The following TTC39A variants were observed in gnomAD, a reference collection of about 807,000 sequenced individuals.
TTC39A encodes tetratricopeptide repeat protein 39A.
TTC39A carries 46 observed loss-of-function variants against 82.3 expected under a neutral mutation model. The observed-to-expected ratio is 0.56, with a 90% confidence interval of 0.44 to 0.71. The LOEUF (loss-of-function observed/expected upper bound fraction) is 0.71. Among genes scored for constraint, TTC39A ranks in the 30% least tolerant of loss-of-function variants. TTC39A has a pLI of 0.00. For missense variants in TTC39A, 543 were observed against 712.9 expected, an observed-to-expected ratio of 0.76 and a Z score of 2.71; for synonymous variants, 254 against 275.2, an observed-to-expected ratio of 0.92 and a Z score of 0.76.
intron 6 of TTC39A, among the ~76,000 whole-genome samples, chr1:51,307,700 A>T (rs974889119): frequency 7.0e-6 from 1 of 143,726 alleles, no homozygotes; most frequent in African/African-American, 2.6e-5. Context: ...ATGCCACTGC[A>T]CTCCAGCCTG....
upstream of TTC39A, chr1:51,331,575 A>G (rs1023829525): frequency 4.8e-5 from 47 of 985,340 alleles, no homozygotes; most frequent in African/African-American, 7.7e-4. Context: ...CGGTGGGAAC[A>G]GGACTTGTAC....
At chr1:51,314,343 T>G (rs1645202950) in intron 2 of TTC39A, among the ~76,000 whole-genome samples, 1 of 152,186 alleles carries the variant, frequency 6.6e-6, no homozygotes, top group South Asian at 2.1e-4. Context: ...TGCGAGACTG[T>G]GGGACTGACT....
Position 51,321,718 on chromosome 1 carries a change from C to A in TTC39A, c.146+3G>T. The A allele has an allele frequency of 6.2e-7, 1 of 1,613,690 alleles. No homozygotes were observed. Among genetic ancestry groups the A allele is most frequent in the South Asian group, 1.1e-5 (1 of 90,960 alleles). ...CCTACCCCAACCGGGGCTTGAGCCT[C>A]ACCTGGGCTTGAGGTAGCTGAGTGC... On this transcript the variant is annotated splice_donor_region_variant and intron_variant, in intron 2 of 17. Transcript: ENST00000680483. This position sits in a 1 kb window ranked among gnomAD's most constrained non-coding sequence, Gnocchi z 4.6.
At chr1:51,298,053 C>G (rs879002614) in intron 12 of TTC39A, 1 of 152,650 alleles carries the variant, frequency 6.6e-6, no homozygotes, top group Admixed American at 6.5e-5. Flanking sequence ...TTCCCCCGAC[C>G]TCCCCTTACA....
At chr1:51,335,247 C>T (rs984041051), upstream of TTC39A, 34 of 152,164 alleles carry the variant, frequency 2.2e-4, no homozygotes, top group African/African-American at 7.5e-4. Context: ...CCATTGTCAA[C>T]TTAAGAAGGC....
rs757050369 is a variant in TTC39A at position 51,288,113 on chromosome 1, T to C, written c.*44A>G. The C allele has an allele frequency of 6.2e-7, 1 of 1,611,218 alleles. No homozygotes were observed. Among genetic ancestry groups the C allele is most frequent in the Non-Finnish European group, 8.5e-7 (1 of 1,178,044 alleles). ...TATTTTGAAATGTTTTCAGGAGCTC[T>C]GTCCAGCTGTCTCTGTCTTCCAGCC... On this transcript the variant is annotated 3_prime_UTR_variant, in exon 18 of 18. Transcript: ENST00000680483. This position sits in a 1 kb window ranked among gnomAD's most constrained non-coding sequence, Gnocchi z 4.8.
rs368749038 is a variant in TTC39A at position 51,292,084 on chromosome 1, T to C, written c.1267-1459A>G. On this transcript the variant is annotated intron_variant, in intron 14 of 17. Transcript: ENST00000680483. ...CGGTGCACACCTGTAGTCAGGAGGC[T>C]GAAGTGAGAGGATCCTTTGAGCCCA... is the stretch of plus-strand genomic sequence containing the variant. 2.1e-3 allele frequency among the ~76,000 whole-genome samples: 326 copies of C among 152,122 alleles called. 21 individuals are homozygous for C. The South Asian group carries it at 0.064, about 30-fold the overall frequency.
At chr1:51,307,734 CAAAAA>C (rs1216098958) in intron 6 of TTC39A, among the ~76,000 whole-genome samples, 1 of 75,338 alleles carries the variant, frequency 1.3e-5, no homozygotes, top group Admixed American at 1.5e-4. Flanking sequence ...GACTCTGTCT[CAAAAA>C]AAAAAAAAAA....
chr1:51,337,785 A>G (rs74817871), intron 1 of TTC39A, among the ~76,000 whole-genome samples: 4,880 of 151,792 alleles, frequency 0.032, 128 homozygotes, highest in Non-Finnish European at 0.051. Flanking sequence ...GCCCTGCATT[A>G]TTTTTCCACA....
At chr1:51,343,745 G>A (rs1217755650) in intron 1 of TTC39A, among the ~76,000 whole-genome samples, 1 of 152,170 alleles carries the variant, frequency 6.6e-6, no homozygotes, top group Non-Finnish European at 1.5e-5. Flanking sequence ...TCACCAAAGG[G>A]TGGTGGAGAG....
chr1:51,341,239 G>A (rs958696171), intron 1 of TTC39A, among the ~76,000 whole-genome samples: 4 of 135,084 alleles, frequency 3.0e-5, no homozygotes, highest in Admixed American at 1.8e-4. Context: ...TGGCCCCAGA[G>A]TACTTCTCAC....
At chr1:51,335,402 A>AAC (rs1249767068), upstream of TTC39A, 5 of 151,482 alleles carry the variant, frequency 3.3e-5, no homozygotes, top group African/African-American at 1.2e-4. Flanking sequence ...TACAAAAAAA[A>AAC]AAAAAAAAAA....
chr1:51,302,922 G>T (rs535925697), intron 9 of TTC39A, among the ~76,000 whole-genome samples, 162 bp downstream of exon 9: 61 of 152,320 alleles, frequency 4.0e-4, no homozygotes, highest in African/African-American at 1.3e-3. Flanking sequence ...GAGGCAGTGG[G>T]CGTCAGCAGG....
At chr1:51,341,967 C>T (rs1646042964) in intron 1 of TTC39A, among the ~76,000 whole-genome samples, 2 of 152,224 alleles carry the variant, frequency 1.3e-5, no homozygotes, top group African/African-American at 4.8e-5. Context: ...GCAGTCCTAG[C>T]AGGCCTCCAG....
chr1:51,288,981 G>A lies in TTC39A; in HGVS notation c.1494-26C>T, dbSNP rs761453644. The A allele has an allele frequency of 3.2e-6, 5 of 1,562,842 alleles. No homozygotes were observed. The Admixed American group carries it at 9.5e-5, about 30-fold the overall frequency. On this transcript the variant is annotated intron_variant, in intron 16 of 17. Transcript: ENST00000680483. The surrounding 1 kb of genome is among the most constrained non-coding windows in gnomAD (Gnocchi z 4.8). The stretch of plus-strand genomic sequence containing the variant: ...CTGCAGAACAGAGGACATGGCTCAG[G>A]TTCCTCCTCCTGAGCCTCTCCCAAA...
At chr1:51,313,295 C>T (rs941127018) in intron 2 of TTC39A, among the ~76,000 whole-genome samples, 8 of 152,158 alleles carry the variant, frequency 5.3e-5, no homozygotes, top group African/African-American at 1.7e-4. Flanking sequence ...CCAGTGCCAC[C>T]CTCTTGCCTT....
chr1:51,309,569 G>T, intron 5 of TTC39A: 2 of 793,616 alleles, frequency 2.5e-6, no homozygotes, highest in South Asian at 3.1e-5. Context: ...GAGGGGCCAC[G>T]CCCAGTGATT....
intron 14 of TTC39A, among the ~76,000 whole-genome samples, chr1:51,293,859 A>AC (rs756477859): frequency 1.1e-3 from 160 of 152,204 alleles, no homozygotes; most frequent in Non-Finnish European, 2.0e-3. Context: ...AGGCCTTATT[A>AC]CCCCCATCTG....
intron 1 of TTC39A, among the ~76,000 whole-genome samples, chr1:51,327,303 A>G (rs906035251): frequency 4.6e-5 from 7 of 152,204 alleles, no homozygotes; most frequent in Admixed American, 1.3e-4. Flanking sequence ...ACTGAGGGGA[A>G]CTTTGGCTCA....
Sources: gnomAD v4.1 joint callset for allele counts (sites outside exome capture counted in the v4.1 genomes callset) on GRCh38, gnomAD v4.1.1 for gene constraint, Gnocchi (gnomAD v3.1) non-coding constraint, MANE v1.5 for transcripts, NCBI Gene and HGNC (gene_info 2026-07-23, HGNC 2026-07-21) for gene names.